The following RGS13 variants were observed in gnomAD, a reference collection of about 807,000 sequenced individuals.
RGS13 encodes the protein regulator of G-protein signalling 13.
Under a neutral mutation model 19.9 loss-of-function variants are expected in RGS13, and 14 were observed. The observed-to-expected ratio is 0.70, with a 90% CI of 0.46 to 1.10. The LOEUF is 1.10. Ranked by LOEUF, RGS13 falls within the 50% of genes least tolerant of loss-of-function variation. The probability of loss-of-function intolerance (pLI) is 0.00; values close to 1 mark genes in which losing one functional copy is unlikely to be tolerated. For missense variants in RGS13, 205 were observed against 187.1 expected (o/e 1.10, Z -0.56); for synonymous variants, 60 against 56.8 (o/e 1.06, Z -0.25).
intron 3 of RGS13, among the ~76,000 whole-genome samples, chr1:192,641,264 A>AAG (rs1202253321): frequency 9.1e-6 from 1 of 110,180 alleles, no homozygotes; most frequent in Non-Finnish European, 2.1e-5. Flanking sequence ...AAAAGAAAGA[A>AAG]AGAAAGAAAG....
At chr1:192,656,824 G>A (rs1663452653) in intron 5 of RGS13, among the ~76,000 whole-genome samples, 2 of 152,014 alleles carry the variant, frequency 1.3e-5, no homozygotes, top group Non-Finnish European at 2.9e-5. Context: ...TTTGCTTGAA[G>A]ACAAAATACT....
intron 3 of RGS13, among the ~76,000 whole-genome samples, chr1:192,642,977 A>T (rs1303764472): frequency 3.9e-5 from 6 of 152,142 alleles, no homozygotes; most frequent in Non-Finnish European, 7.4e-5. Flanking sequence ...GTCCCACTAC[A>T]GCATCCCAAG....
intron 2 of RGS13, 92 bp from the exon 3 acceptor site, chr1:192,638,072 A>G (rs1354332675): frequency 6.6e-6 from 1 of 152,090 alleles, no homozygotes; most frequent in East Asian, 1.9e-4. Context: ...ATATTGTTGA[A>G]TGTAGGATTG....
rs144701116 is a variant in RGS13 at position 192,652,674 on chromosome 1, T to C, written c.127+4687T>C. The stretch of plus-strand genomic sequence containing the variant: ...TCAGATATAAACCTGTCGTCTTTAG[T>C]GCTTCCTAGATGTTCAATAACTAAG... On this transcript the variant is annotated intron_variant, in intron 5 of 6. Coordinates refer to ENST00000391995, the MANE Select transcript of RGS13 (RefSeq NM_002927.5). Among the ~76,000 whole-genome samples the C allele has an allele frequency of 2.9e-3, 436 of 152,188 alleles. 3 individuals carry two copies. The highest frequency in any genetic ancestry group is 5.1e-3 in the Non-Finnish European group (348 of 67,976).
Position 192,642,699 on chromosome 1 carries a change from A to AT in RGS13, c.-4-1632_-4-1631insT, listed in dbSNP as rs1414928883. Among the ~76,000 whole-genome samples the AT allele has an allele frequency of 6.3e-4, 96 of 151,930 alleles. 1 individual carries two copies. The highest frequency in any genetic ancestry group is 3.7e-3 in the Admixed American group (56 of 15,244). On this transcript the variant is annotated intron_variant, in intron 3 of 6. Coordinates refer to ENST00000391995, the MANE Select transcript of RGS13 (RefSeq NM_002927.5). ...TCTTTGCTCAAGTTGCCCCTCCTTC[A>AT]CTCAGCACACTCGTGGATATCCTGC...
intron 5 of RGS13, among the ~76,000 whole-genome samples, chr1:192,656,217 ACT>A (rs1460810810): frequency 6.6e-6 from 1 of 151,818 alleles, no homozygotes; most frequent in Non-Finnish European, 1.5e-5. Context: ...TGTGTGACAG[ACT>A]CTCATTCCAT....
At chr1:192,647,093 G>A (rs1474683047) in intron 4 of RGS13, 2 of 152,104 alleles carry the variant, frequency 1.3e-5, no homozygotes, top group African/African-American at 4.8e-5. Flanking sequence ...ACTAGCTTTA[G>A]GGTTACTAAC....
chr1:192,636,846 A>AT (rs891389441), intron 1 of RGS13, among the ~76,000 whole-genome samples: 31 of 151,838 alleles, frequency 2.0e-4, no homozygotes, highest in African/African-American at 7.0e-4. Context: ...AATTTCTTGA[A>AT]TTTTTTAAAG....
At chr1:192,644,479 TATTGTAACATATTTTGTTCAGAA>T in intron 4 of RGS13, 80 bp downstream of exon 4, 3 of 1,014,682 alleles carry the variant, frequency 3.0e-6, no homozygotes, top group Non-Finnish European at 4.5e-6. Flanking sequence ...ATTAAACTGC[TATTGTAACATATTTTGTTCAGAA>T]AGTAAAATTT....
At chr1:192,642,001 G>T (rs1314871290) in intron 3 of RGS13, among the ~76,000 whole-genome samples, 1 of 151,970 alleles carries the variant, frequency 6.6e-6, no homozygotes, top group African/African-American at 2.4e-5. Flanking sequence ...CTGAACTCCT[G>T]CAGTCACACC....
chr1:192,641,345 AAG>A (rs1663119092), intron 3 of RGS13, among the ~76,000 whole-genome samples: 1 of 151,246 alleles, frequency 6.6e-6, no homozygotes, highest in Non-Finnish European at 1.5e-5. Context: ...GAAGGAGAGA[AAG>A]AAAGAGAGAG....
chr1:192,658,404 C>A, intron 6 of RGS13, 37 bp downstream of exon 6: 1 of 1,585,156 alleles, frequency 6.3e-7, no homozygotes, highest in Non-Finnish European at 8.6e-7. Context: ...GAAATCAGTT[C>A]ATCCCTGCAA....
intron 4 of RGS13, chr1:192,647,710 G>GTCTAC (rs1388131006): frequency 4.4e-6 from 1 of 227,878 alleles, no homozygotes; most frequent in African/African-American, 2.3e-5. Flanking sequence ...ATATTTTCAA[G>GTCTAC]TCTACACTAT....
At chr1:192,641,292 A>AAGAG (rs1224577524) in intron 3 of RGS13, among the ~76,000 whole-genome samples, 2 of 120,386 alleles carry the variant, frequency 1.7e-5, no homozygotes, top group Admixed American at 8.6e-5. Context: ...GAAAGAAAGA[A>AAGAG]AGAAAGAAAG....
chr1:192,659,256 GAATA>G (rs1413031562), intron 6 of RGS13, 78 bp from the exon 7 acceptor site: 3 of 934,016 alleles, frequency 3.2e-6, no homozygotes, highest in African/African-American at 3.4e-5. Flanking sequence ...GGAGAGCAGA[GAATA>G]AATTAAACCT....
intron 3 of RGS13, among the ~76,000 whole-genome samples, chr1:192,639,102 A>C (rs1472291567): frequency 6.6e-6 from 1 of 152,092 alleles, no homozygotes; most frequent in South Asian, 2.1e-4. Flanking sequence ...CAGGGCTACT[A>C]TTAGTGTACA....
intron 3 of RGS13, among the ~76,000 whole-genome samples, chr1:192,641,244 G>GA (rs66982141): frequency 1.1e-5 from 1 of 95,186 alleles, no homozygotes; most frequent in Admixed American, 1.2e-4. Flanking sequence ...AAGAAAGAAA[G>GA]AAAAGAAAGA....
intron 5 of RGS13, among the ~76,000 whole-genome samples, chr1:192,649,910 A>G (rs1427375804): frequency 6.6e-6 from 1 of 152,098 alleles, no homozygotes; most frequent in East Asian, 1.9e-4. Context: ...TTTTTTATAT[A>G]GTGGCTTTCT....
At chr1:192,645,500 AT>A (rs1278239169) in intron 4 of RGS13, 1 of 152,172 alleles carries the variant, frequency 6.6e-6, no homozygotes, top group African/African-American at 2.4e-5. Flanking sequence ...ACCAAGGACA[AT>A]TAAGTACAGC....
Sources: allele counts gnomAD v4.1 joint callset (sites outside exome capture counted in the v4.1 genomes callset), GRCh38; gene constraint gnomAD v4.1.1; transcripts MANE v1.5; gene names NCBI Gene and HGNC (gene_info 2026-07-23, HGNC 2026-07-21).